CASR: variants seen among roughly 807,000 people sequenced by gnomAD.
CASR encodes the protein calcium sensing receptor.
CASR carries 23 observed loss-of-function variants against 69.1 expected under a neutral mutation model. The observed-to-expected ratio is 0.33, with a 90% confidence interval of 0.24 to 0.47. The LOEUF is 0.47. Among genes scored for constraint, CASR ranks in the 20% least tolerant of loss-of-function variants. The probability of loss-of-function intolerance (pLI) is 1.00; values close to 1 mark genes in which losing one functional copy is unlikely to be tolerated. For missense variants in CASR, 924 were observed against 1,356.1 expected (o/e 0.68, Z 5.00); for synonymous variants, 541 against 544.7 (o/e 0.99, Z 0.10).
chr3:122,189,017 G>C (rs2073815816), intron 1 of CASR, among the ~76,000 whole-genome samples: 1 of 152,222 alleles, frequency 6.6e-6, no homozygotes. Context: ...AGGAAGTGCT[G>C]ATTAAGGGTG....
chr3:122,248,421 C>T (rs1445615928), intron 1 of CASR, among the ~76,000 whole-genome samples: 1 of 152,140 alleles, frequency 6.6e-6, no homozygotes, highest in Non-Finnish European at 1.5e-5. Flanking sequence ...AAAACATACA[C>T]ATTTCACCTT....
chr3:122,197,781 T>C (rs543548780), intron 1 of CASR, among the ~76,000 whole-genome samples: 27 of 152,278 alleles, frequency 1.8e-4, no homozygotes, highest in African/African-American at 5.8e-4. Flanking sequence ...TCTTCAGCTT[T>C]TCTTTCTGCT....
intron 1 of CASR, among the ~76,000 whole-genome samples, chr3:122,186,080 C>A (rs1396927180): frequency 1.4e-5 from 2 of 147,286 alleles, no homozygotes; most frequent in Non-Finnish European, 1.5e-5. Flanking sequence ...CAGTTTTTGT[C>A]TCTATGATAA....
At chr3:122,199,887 TTTTG>T (rs1576816987) in intron 1 of CASR, among the ~76,000 whole-genome samples, 1 of 152,080 alleles carries the variant, frequency 6.6e-6, no homozygotes, top group African/African-American at 2.4e-5. Context: ...AGCAGTTGTT[TTTTG>T]TTTTTTTGTT....
Position 122,262,107 on chromosome 3 carries a change from T to C in CASR, c.1072T>C (p.Cys358Arg). 1 of 1,614,146 alleles carries C rather than the reference T, an allele frequency of 6.2e-7. No individual in the cohort carries two copies. Among genetic ancestry groups the C allele is most frequent in the Non-Finnish European group, 8.5e-7 (1 of 1,180,004 alleles). ...AKEFWEETFN[C>R]HLQEGAKGPL... ...GGAGTTTTGGGAAGAAACATTTAACTGCCACCTCCAAGAAGGTGCAAAAGG... is the reference window on the plus strand; with the variant it reads ...GGAGTTTTGGGAAGAAACATTTAACCGCCACCTCCAAGAAGGTGCAAAAGG... Residue 358 changes from cysteine (C) to arginine (R), a missense_variant, in exon 4 of 7, where the codon TGC (cysteine) becomes CGC (arginine). Cys to Arg is a radical substitution (Grantham distance 180). Around this residue, in one of 8 missense-constraint regions of CASR, gnomAD observed 310 missense variants for 395.7 expected, o/e 0.78. Coordinates refer to ENST00000639785, the MANE Select transcript of CASR (RefSeq NM_000388.4).
At chr3:122,282,278 C>T (rs201225985) in intron 6 of CASR, 42 bp downstream of exon 6, 2 of 1,604,024 alleles carry the variant, frequency 1.2e-6, no homozygotes, top group Non-Finnish European at 1.7e-6. Flanking sequence ...GCTTGGTCCA[C>T]TTCGGAGGCC....
chr3:122,242,145 C>A (rs143464553), intron 1 of CASR, among the ~76,000 whole-genome samples: 89 of 152,158 alleles, frequency 5.8e-4, no homozygotes, highest in Non-Finnish European at 1.1e-3. Context: ...CCACTTTCAC[C>A]ACTGTTATTA....
At chr3:122,258,504 C>T (rs2074582022) in intron 3 of CASR, among the ~76,000 whole-genome samples, 1 of 151,868 alleles carries the variant, frequency 6.6e-6, no homozygotes, top group Non-Finnish European at 1.5e-5. Flanking sequence ...AACTTTTGTG[C>T]CAAAGTGATC....
At chr3:122,272,148 T>A (rs1427636564) in intron 4 of CASR, among the ~76,000 whole-genome samples, 1 of 151,234 alleles carries the variant, frequency 6.6e-6, no homozygotes, top group Non-Finnish European at 1.5e-5. Context: ...TTGGGTCAAA[T>A]GATGACTCTA....
chr3:122,272,275 T>G (rs1251809398), intron 4 of CASR, among the ~76,000 whole-genome samples: 1 of 152,220 alleles, frequency 6.6e-6, no homozygotes, highest in Non-Finnish European at 1.5e-5. Context: ...CAGCCCTGTT[T>G]CTTATCTAAT....
At chr3:122,271,933 A>G (rs2074762549) in intron 4 of CASR, among the ~76,000 whole-genome samples, 1 of 152,230 alleles carries the variant, frequency 6.6e-6, no homozygotes. Context: ...ACAGCCAAAT[A>G]GTATCCCATT....
At chr3:122,198,840 G>GATAT (rs35390174) in intron 1 of CASR, among the ~76,000 whole-genome samples, 8 of 149,804 alleles carry the variant, frequency 5.3e-5, no homozygotes, top group South Asian at 2.1e-4. Flanking sequence ...TATATGAGAG[G>GATAT]ATATATATAT....
intron 1 of CASR, among the ~76,000 whole-genome samples, chr3:122,209,391 T>C (rs1281164937): frequency 6.6e-6 from 1 of 152,174 alleles, no homozygotes; most frequent in Non-Finnish European, 1.5e-5. Context: ...CTGATAAAGA[T>C]GGGCAATTTA....
At position 122,231,677 on chromosome 3, in the gene CASR, T is replaced by G. The variant is rs182828289; in HGVS notation, c.-242-22271T>G. On this transcript the variant is annotated intron_variant, in intron 1 of 6. Coordinates refer to ENST00000639785, the MANE Select transcript of CASR (RefSeq NM_000388.4). ...AACATCTGAATTGGAAGAAATTATG[T>G]GCATATGTGCATTTTTCTGGAAAGA... Among the ~76,000 whole-genome samples, 8 of 152,052 alleles carry G rather than the reference T, an allele frequency of 5.3e-5. No homozygotes were observed. The East Asian group carries it at 1.5e-3, about 29-fold the overall frequency.
chr3:122,198,955 C>T (rs1221141169), intron 1 of CASR, among the ~76,000 whole-genome samples: 1 of 152,106 alleles, frequency 6.6e-6, no homozygotes, highest in Non-Finnish European at 1.5e-5. Flanking sequence ...TCAAATCTTT[C>T]CTGCTCTTTC....
At chr3:122,273,283 CG>C in intron 4 of CASR, among the ~76,000 whole-genome samples, 1 of 152,288 alleles carries the variant, frequency 6.6e-6, no homozygotes, top group South Asian at 2.1e-4. Flanking sequence ...TTGTTTAACC[CG>C]TAGCTCCAGC....
At chr3:122,234,724 G>C (rs1435827613) in intron 1 of CASR, among the ~76,000 whole-genome samples, 1 of 152,202 alleles carries the variant, frequency 6.6e-6, no homozygotes, top group Non-Finnish European at 1.5e-5. Context: ...TGAGGCTCAG[G>C]CTATGTGGAC....
intron 2 of CASR, among the ~76,000 whole-genome samples, chr3:122,256,759 A>C (rs1261071323): frequency 6.6e-6 from 1 of 152,206 alleles, no homozygotes. Flanking sequence ...CTGGGATTAC[A>C]GACACCTGCC....
intron 1 of CASR, among the ~76,000 whole-genome samples, chr3:122,202,778 T>C (rs2073970587): frequency 6.6e-6 from 1 of 152,234 alleles, no homozygotes; most frequent in African/African-American, 2.4e-5. Flanking sequence ...TTCTAAATTC[T>C]TAAAAGTTTT....
Sources: allele counts gnomAD v4.1 joint callset (sites outside exome capture counted in the v4.1 genomes callset), GRCh38; gene constraint gnomAD v4.1.1; regional missense constraint gnomAD v4.1.1; transcripts MANE v1.5; gene names NCBI Gene and HGNC (gene_info 2026-07-23, HGNC 2026-07-21).